Variants in NBAS observed in about 807,000 individuals in gnomAD.
NBAS encodes the protein NBAS subunit of NRZ tethering complex.
A neutral mutation model predicts 302.5 loss-of-function variants in NBAS; 219 were observed. The observed-to-expected ratio is 0.72, with a 90% CI of 0.65 to 0.81. The LOEUF (loss-of-function observed/expected upper bound fraction) is 0.81. Ranked by LOEUF, NBAS falls within the 30% of genes least tolerant of loss-of-function variation. NBAS has a pLI of 0.00. For synonymous variants in NBAS, 1,118 were observed against 1,021.6 expected (o/e 1.09, Z -1.80); for missense variants, 2,932 against 2,841.6 (o/e 1.03, Z -0.72).
At chr2:15,047,638 A>G in the NBAS span, among the ~76,000 whole-genome samples, 1 of 148,176 alleles carries the variant, frequency 6.7e-6, no homozygotes, top group Admixed American at 6.7e-5. Context: ...CCATGCAGGT[A>G]AAGGCTGGGC....
intron 35 of NBAS, among the ~76,000 whole-genome samples, chr2:15,339,081 T>C (rs1238176995): frequency 6.6e-6 from 1 of 152,180 alleles, no homozygotes; most frequent in African/African-American, 2.4e-5. Context: ...AAACCCTTCT[T>C]GGATGTCCTA....
the NBAS span, among the ~76,000 whole-genome samples, chr2:14,846,612 T>C: frequency 6.6e-6 from 1 of 151,978 alleles, no homozygotes. Flanking sequence ...AAATAATAAC[T>C]ACAAATTTTC....
the NBAS span, among the ~76,000 whole-genome samples, chr2:15,138,272 GGA>G: frequency 6.6e-6 from 1 of 152,150 alleles, no homozygotes; most frequent in Admixed American, 6.5e-5. Context: ...TGCTAGAATT[GGA>G]GAGAGGTTTA....
chr2:15,275,018 G>A lies in NBAS; in HGVS notation c.5724+466C>T, dbSNP rs183625105. On this transcript the variant is annotated intron_variant, in intron 44 of 51. Coordinates refer to ENST00000281513, the MANE Select transcript of NBAS (RefSeq NM_015909.4). The stretch of plus-strand genomic sequence containing the variant: ...GGCTGGTCTCAAACTCCTGATCTCA[G>A]GTAATCTGCCTGCCTTGGCCTCCCA... Among the ~76,000 whole-genome samples, 669 of 151,406 alleles carry A rather than the reference G, an allele frequency of 4.4e-3. 3 individuals are homozygous for A. Among genetic ancestry groups the A allele is most frequent in the Non-Finnish European group, 7.6e-3 (518 of 67,906 alleles).
chr2:15,202,489 T>C (rs980539456), intron 48 of NBAS, among the ~76,000 whole-genome samples: 1 of 151,926 alleles, frequency 6.6e-6, no homozygotes, highest in Admixed American at 6.6e-5. Flanking sequence ...TATAGTGCCA[T>C]GTGACCCCCT....
intron 50 of NBAS, among the ~76,000 whole-genome samples, chr2:15,184,078 T>C (rs1362526116): frequency 1.3e-5 from 2 of 152,182 alleles, no homozygotes; most frequent in Non-Finnish European, 2.9e-5. Flanking sequence ...TCTTACACAT[T>C]CATCAGTAAA....
intron 8 of NBAS, among the ~76,000 whole-genome samples, chr2:15,535,567 A>AAAT (rs1558420388): frequency 1.5e-5 from 2 of 136,318 alleles, no homozygotes; most frequent in South Asian, 2.3e-4. Flanking sequence ...AATAAATAAA[A>AAAT]ATAAAAAAAT....
At chr2:15,031,003 A>T in the NBAS span, among the ~76,000 whole-genome samples, 1 of 152,372 alleles carries the variant, frequency 6.6e-6, no homozygotes, top group East Asian at 1.9e-4. Flanking sequence ...GCACTGCCTC[A>T]GAACCCTAGT....
chr2:15,389,145 A>T (rs6759785), intron 28 of NBAS, among the ~76,000 whole-genome samples: 1 of 151,926 alleles, frequency 6.6e-6, no homozygotes, highest in South Asian at 2.1e-4. Context: ...CTCGTCAGAC[A>T]GGCTCTCAAA....
intron 50 of NBAS, among the ~76,000 whole-genome samples, chr2:15,185,481 T>C (rs1319398541): frequency 1.3e-5 from 2 of 152,188 alleles, no homozygotes; most frequent in Non-Finnish European, 2.9e-5. Flanking sequence ...TGTTGCTTAC[T>C]TTGGTGGGGA....
intron 25 of NBAS, among the ~76,000 whole-genome samples, chr2:15,409,089 T>C (rs1295087255): frequency 6.6e-6 from 1 of 152,242 alleles, no homozygotes; most frequent in Non-Finnish European, 1.5e-5. Flanking sequence ...AGGTTAATTT[T>C]CCTTGACATT....
At chr2:14,936,429 A>G in the NBAS span, among the ~76,000 whole-genome samples, 13 of 152,268 alleles carry the variant, frequency 8.5e-5, no homozygotes, top group Non-Finnish European at 1.3e-4. Context: ...TTCTGGCCTA[A>G]GCCAGGTTTC....
At chr2:15,278,204 T>C (rs550006137) in intron 42 of NBAS, among the ~76,000 whole-genome samples, 1 of 152,294 alleles carries the variant, frequency 6.6e-6, no homozygotes, top group South Asian at 2.1e-4. Context: ...AACACTTGGG[T>C]TAAAAAGGGT....
intron 30 of NBAS, among the ~76,000 whole-genome samples, chr2:15,379,194 CTCT>C (rs1210683673): frequency 1.1e-5 from 1 of 90,614 alleles, no homozygotes; most frequent in Non-Finnish European, 2.7e-5. Flanking sequence ...TTGTCTCTCT[CTCT>C]TTTTTTTTTT....
At position 15,340,563 on chromosome 2, in the gene NBAS, G is replaced by A. The variant is rs188023746; in HGVS notation, c.4180-9798C>T. Among the ~76,000 whole-genome samples the A allele has an allele frequency of 1.3e-3, 198 of 152,202 alleles. 1 individual carries two copies. The Middle Eastern group carries it at 0.034, about 26-fold the overall frequency. The stretch of plus-strand genomic sequence containing the variant: ...GGTTGGCAGCTGTACATTCAAGTCC[G>A]GAACTCAGAAGAGAGGTCAGGGCTA... On this transcript the variant is annotated intron_variant, in intron 35 of 51. Coordinates refer to ENST00000281513, the MANE Select transcript of NBAS (RefSeq NM_015909.4).
intron 13 of NBAS, among the ~76,000 whole-genome samples, chr2:15,476,682 TCCA>T: frequency 6.6e-6 from 1 of 151,878 alleles, no homozygotes; most frequent in Non-Finnish European, 1.5e-5. Context: ...GCCACTACAC[TCCA>T]GCCTGGGCGA....
rs755936164 is a variant in NBAS, at chr2:15,383,197, A to G, written c.3360+18T>C. The stretch of plus-strand genomic sequence containing the variant: ...AATTGTTAAATTAAAAAAAAATCGT[A>G]TATGGTTCTAGAGTTACCTCATAGC... On this transcript the variant is annotated intron_variant, in intron 29 of 51. Transcript: ENST00000281513. 6.3e-6 allele frequency: 10 copies of G among 1,594,136 alleles called. No individual in the cohort carries two copies. In the Admixed American group the frequency reaches 1.0e-4, roughly 16 times the overall value.
At chr2:14,820,911 A>T in the NBAS span, among the ~76,000 whole-genome samples, 2 of 148,688 alleles carry the variant, frequency 1.3e-5, no homozygotes, top group African/African-American at 4.9e-5. Flanking sequence ...CAACAGAGAC[A>T]CTCTTTTTTT....
chr2:15,239,808 C>T (rs1667781964), intron 44 of NBAS, among the ~76,000 whole-genome samples: 2 of 151,982 alleles, frequency 1.3e-5, no homozygotes, highest in Non-Finnish European at 2.9e-5. Flanking sequence ...CAGTGACACG[C>T]ATCAGATTCC....
Sources: gnomAD v4.1 joint callset for allele counts (sites outside exome capture counted in the v4.1 genomes callset) on GRCh38, gnomAD v4.1.1 for gene constraint, MANE v1.5 for transcripts, NCBI Gene and HGNC (gene_info 2026-07-23, HGNC 2026-07-21) for gene names.